Variants in OR9Q1 observed in about 807,000 individuals in gnomAD.
OR9Q1 encodes olfactory receptor 9Q1.
For missense variants in OR9Q1, 374 were observed against 378.8 expected (o/e 0.99, Z 0.11); for synonymous variants, 153 against 148.6 (o/e 1.03, Z -0.22).
In OR9Q1 at chr11:58,031,527, C is replaced by T. The variant is rs138474678; in HGVS notation, c.-93+7423C>T. 104 of 1,613,972 alleles carry T rather than the reference C, an allele frequency of 6.4e-5. 1 individual carries two copies. The highest frequency in any genetic ancestry group is 3.3e-5 in the Admixed American group (2 of 59,992). ...GATGCCTCACCCTTGCTAGCCTTGTCGTGCTCAGATGTCACTTGGAAGGAG... is the reference window on the plus strand; with the variant it reads ...GATGCCTCACCCTTGCTAGCCTTGTTGTGCTCAGATGTCACTTGGAAGGAG... On this transcript the variant is annotated intron_variant, in intron 1 of 2. Coordinates refer to ENST00000335397, the MANE Select transcript of OR9Q1 (RefSeq NM_001005212.4).
intron 2 of OR9Q1, among the ~76,000 whole-genome samples, chr11:58,143,718 G>A (rs188874724): frequency 6.6e-6 from 1 of 152,204 alleles, no homozygotes; most frequent in African/African-American, 2.4e-5. Context: ...CTGTAGGCGG[G>A]GGGGTGGCAT....
chr11:58,095,035 G>A (rs1393123253), intron 2 of OR9Q1, among the ~76,000 whole-genome samples: 1 of 152,162 alleles, frequency 6.6e-6, no homozygotes, highest in African/African-American at 2.4e-5. Context: ...TGAGTTTACT[G>A]CTATTGAGAG....
intron 2 of OR9Q1, among the ~76,000 whole-genome samples, chr11:58,065,259 A>C (rs1435781630): frequency 6.6e-6 from 1 of 152,220 alleles, no homozygotes; most frequent in Admixed American, 6.5e-5. Flanking sequence ...AGACACATAG[A>C]GAGACTGGTA....
Position 58,065,140 on chromosome 11 carries a change from G to A in OR9Q1, c.-15+9193G>A, listed in dbSNP as rs116093233. On this transcript the variant is annotated intron_variant, in intron 2 of 2. Transcript: ENST00000335397. ...AGGGGCTATGGAGTGGACGGGACAC[G>A]TAAACAGGAAGACACATGGACTGGG... is the stretch of plus-strand genomic sequence containing the variant. 9.9e-5 allele frequency among the ~76,000 whole-genome samples: 15 copies of A among 152,246 alleles called. 1 individual carries two copies. Among genetic ancestry groups the A allele is most frequent in the African/African-American group, 2.9e-4 (12 of 41,554 alleles).
At chr11:58,134,900 A>G (rs75915467) in intron 2 of OR9Q1, among the ~76,000 whole-genome samples, 180 of 152,338 alleles carry the variant, frequency 1.2e-3, no homozygotes, top group African/African-American at 4.3e-3. Context: ...GAATAAATGA[A>G]ATAATGGGTG....
intron 2 of OR9Q1, among the ~76,000 whole-genome samples, chr11:58,155,863 T>C (rs1317283132): frequency 6.6e-6 from 1 of 152,200 alleles, no homozygotes; most frequent in East Asian, 1.9e-4. Context: ...TTTAGCATTT[T>C]TTATAATTTT....
At chr11:58,031,460 C>T in intron 1 of OR9Q1, 1 of 1,614,152 alleles carries the variant, frequency 6.2e-7, no homozygotes, top group Non-Finnish European at 8.5e-7. Flanking sequence ...CTTGTCTCAG[C>T]TAACATTTTA....
intron 1 of OR9Q1, among the ~76,000 whole-genome samples, chr11:58,037,697 T>A (rs76791759): frequency 0.037 from 235 of 6,426 alleles, 6 homozygotes; most frequent in African/African-American, 0.043. Flanking sequence ...ATATTTTTTT[T>A]TTTTTTTTTT....
At chr11:58,152,469 C>G (rs541036078) in intron 2 of OR9Q1, among the ~76,000 whole-genome samples, 1 of 152,066 alleles carries the variant, frequency 6.6e-6, no homozygotes, top group African/African-American at 2.4e-5. Context: ...TGGAAATTAC[C>G]TCATTATTTT....
At chr11:58,093,964 A>G (rs1853708031) in intron 2 of OR9Q1, among the ~76,000 whole-genome samples, 1 of 152,124 alleles carries the variant, frequency 6.6e-6, no homozygotes, top group South Asian at 2.1e-4. Context: ...AAGGAAAAGA[A>G]ATATTTACAT....
At chr11:58,050,231 T>G (rs28879390) in intron 1 of OR9Q1, among the ~76,000 whole-genome samples, 36,573 of 137,482 alleles carry the variant, frequency 0.27, 5,424 homozygotes, top group East Asian at 0.62. Flanking sequence ...AACAGCATGG[T>G]GCTGGTACCA....
At chr11:58,127,701 A>T (rs371548142) in intron 2 of OR9Q1, among the ~76,000 whole-genome samples, 4 of 152,190 alleles carry the variant, frequency 2.6e-5, no homozygotes, top group South Asian at 2.1e-4. Flanking sequence ...TGATCTGTTA[A>T]CTGGGATACT....
chr11:58,024,677 C>T (rs1043230124), intron 1 of OR9Q1, among the ~76,000 whole-genome samples: 12 of 152,220 alleles, frequency 7.9e-5, no homozygotes, highest in Non-Finnish European at 2.9e-5. Flanking sequence ...GTGACCCTCT[C>T]CTCTCTGGCT....
intron 1 of OR9Q1, chr11:58,031,465 A>G (rs765312411): frequency 5.0e-6 from 8 of 1,613,916 alleles, no homozygotes; most frequent in Admixed American, 1.7e-5. Context: ...CTCAGCTAAC[A>G]TTTTATGGCC....
intron 2 of OR9Q1, among the ~76,000 whole-genome samples, chr11:58,084,187 G>A (rs1032018150): frequency 8.6e-5 from 13 of 151,658 alleles, no homozygotes; most frequent in South Asian, 8.3e-4. Context: ...CTTTATTAGC[G>A]GTATTCCTTG....
At chr11:58,110,588 G>A (rs1853889710) in intron 2 of OR9Q1, among the ~76,000 whole-genome samples, 1 of 152,128 alleles carries the variant, frequency 6.6e-6, no homozygotes, top group Admixed American at 6.5e-5. Flanking sequence ...GGAAGTTAAG[G>A]TGACTTGTCA....
At chr11:58,109,410 T>G (rs1565078082) in intron 2 of OR9Q1, 1 of 458,860 alleles carries the variant, frequency 2.2e-6, no homozygotes, top group Non-Finnish European at 4.4e-6. Context: ...CTGTGGCCAG[T>G]GTGGCCAGAA....
intron 1 of OR9Q1, among the ~76,000 whole-genome samples, chr11:58,047,074 A>G (rs751499082): frequency 6.6e-6 from 1 of 152,110 alleles, no homozygotes; most frequent in Non-Finnish European, 1.5e-5. Context: ...TTGAATTGAC[A>G]ATTGTATCTA....
At chr11:58,148,102 C>T (rs1854316304) in intron 2 of OR9Q1, among the ~76,000 whole-genome samples, 1 of 152,098 alleles carries the variant, frequency 6.6e-6, no homozygotes, top group Non-Finnish European at 1.5e-5. Flanking sequence ...ATCAATTCAC[C>T]AAGAGGCCAA....
Sources: allele counts gnomAD v4.1 joint callset (sites outside exome capture counted in the v4.1 genomes callset), GRCh38; gene constraint gnomAD v4.1.1; transcripts MANE v1.5; gene names NCBI Gene and HGNC (gene_info 2026-07-23, HGNC 2026-07-21).